The following PYCR3 variants were observed in gnomAD, a reference collection of about 807,000 sequenced individuals.
The protein encoded by PYCR3 is P5C reductase 3.
In PYCR3, 26 loss-of-function variants were observed where a neutral mutation model predicts 23.4. The observed-to-expected ratio is 1.11, with a 90% CI of 0.81 to 1.54. The LOEUF is 1.54. PYCR3 is among the 40% of genes most tolerant of loss of function. PYCR3 has a pLI of 0.00. For missense variants in PYCR3, 360 were observed against 376.3 expected, an observed-to-expected ratio of 0.96 and a Z score of 0.36; for synonymous variants, 194 against 162.6, an observed-to-expected ratio of 1.19 and a Z score of -1.47.
At chr8:143,608,249 T>G in intron 1 of PYCR3, 123 bp from the exon 2 acceptor site, 1 of 713,792 alleles carries the variant, frequency 1.4e-6, no homozygotes, top group Non-Finnish European at 2.4e-6. Flanking sequence ...GGCCCCCTCC[T>G]GGCCCCAGGA....
intron 1 of PYCR3, 27 bp from the exon 2 acceptor site, chr8:143,608,153 G>A (rs1168987313): frequency 2.5e-6 from 4 of 1,588,156 alleles, no homozygotes; most frequent in East Asian, 4.5e-5. Context: ...AGGAAGAGGG[G>A]TTGGTGAAGG....
rs1479652374 is a variant in PYCR3 at position 143,603,346 on chromosome 8, A to G, written c.*2354T>C. Reference sequence around the variant, plus strand: ...AACATTGATCAAAGATACCGTAATCATATCCATCGTTTTCTGTCTTGAAGA... The same window carrying G: ...AACATTGATCAAAGATACCGTAATCGTATCCATCGTTTTCTGTCTTGAAGA... On this transcript the variant is annotated 3_prime_UTR_variant, in exon 6 of 6. Transcript: ENST00000495276. 2 of 152,256 alleles carry G rather than the reference A, an allele frequency of 1.3e-5. No homozygotes were observed. Among genetic ancestry groups the G allele is most frequent in the Non-Finnish European group, 2.9e-5 (2 of 68,042 alleles). The allele number at this position is 152,256 out of a possible 1,614,324, so 9.4% of individuals were successfully genotyped here.
At chr8:143,609,004 G>C in intron 1 of PYCR3, 1 of 425,108 alleles carries the variant, frequency 2.4e-6, no homozygotes, top group South Asian at 1.7e-5. Context: ...TCTCAACAGG[G>C]GATGATTTTG....
At chr8:143,607,487 C>T (rs1213671302) in intron 2 of PYCR3, among the ~76,000 whole-genome samples, 1 of 152,082 alleles carries the variant, frequency 6.6e-6, no homozygotes, top group African/African-American at 2.4e-5. Context: ...TACACATGTA[C>T]ACATGAATGC....
Position 143,606,655 on chromosome 8 carries a change from G to A in PYCR3, c.361C>T (p.Leu121=), listed in dbSNP as rs1429377708. ...CAGGGCAGGTTGGGCAAGACCCGCA[G>A]CACCCGTGTGTTTGGGGGCAGCAGC... ...EELLPPNTRV[L]RVLPNLPCVV... Residue 121 remains leucine (L), a synonymous_variant, in exon 4 of 6, where the codon CTG becomes TTG. Transcript: ENST00000495276. 1 of 1,601,214 alleles carries A rather than the reference G, an allele frequency of 6.2e-7. No homozygotes were observed. The highest frequency in any genetic ancestry group is 8.5e-7 in the Non-Finnish European group (1 of 1,175,052).
In PYCR3 at chr8:143,604,455, C is replaced by T; in HGVS notation, c.*1245G>A. 5.1e-6 allele frequency: 1 copy of T among 194,966 alleles called. No individual in the cohort carries two copies. Among genetic ancestry groups the T allele is most frequent in the South Asian group, 7.5e-5 (1 of 13,280 alleles). 12.1% of individuals were successfully genotyped at this position (194,966 alleles called of 1,614,324 possible). On this transcript the variant is annotated 3_prime_UTR_variant, in exon 6 of 6. Transcript: ENST00000495276. ...TGAGCATGAGGGATGGAGCGTGCTG[C>T]TGTCCTGCAGGTGCCGTTAGCCCTG...
chr8:143,609,473 C>A lies in PYCR3; in HGVS notation c.76G>T (p.Gly26Cys). Reference sequence around the variant, plus strand: ...GCCGCCCCACCTGCTCTGATGAGGCCCTGCGCGATGGCCCCCGCCATGCGG... The same window carrying A: ...GCCGCCCCACCTGCTCTGATGAGGCACTGCGCGATGGCCCCCGCCATGCGG... ...AGRMAGAIAQ[G>C]LIRAGKVEAQ... Residue 26 changes from glycine to cysteine, a missense_variant, in exon 1 of 6, where the codon GGC (glycine) becomes TGC (cysteine). Transcript: ENST00000495276. The A allele has an allele frequency of 6.6e-7, 1 of 1,512,082 alleles. No individual in the cohort carries two copies. Among genetic ancestry groups the A allele is most frequent in the Admixed American group, 2.1e-5 (1 of 48,704 alleles). 93.7% of individuals were successfully genotyped at this position (1,512,082 alleles called of 1,614,324 possible).
At chr8:143,609,357 G>C (rs1014935324) in intron 1 of PYCR3, 101 bp downstream of exon 1, 1 of 1,297,152 alleles carries the variant, frequency 7.7e-7, no homozygotes. Context: ...GCGGAGACCC[G>C]GTTGGCTGGG....
chr8:143,608,457 C>CACCAGGCCTTGGGGGAAT (rs1829460260), intron 1 of PYCR3: 2 of 402,122 alleles, frequency 5.0e-6, no homozygotes, highest in South Asian at 5.1e-5. Context: ...TCTGGAGGAA[C>CACCAGGCCTTGGGGGAAT]ACCAGGCCTT....
At chr8:143,606,773 C>T (rs1055002074) in intron 3 of PYCR3, 94 bp from the exon 4 acceptor site, 15 of 1,377,348 alleles carry the variant, frequency 1.1e-5, no homozygotes, top group Admixed American at 7.3e-5. Flanking sequence ...CACGTCAGCT[C>T]GCGGTGGGCT....
rs558009866 is a variant in PYCR3 at position 143,606,088 on chromosome 8, G to A, written c.616C>T (p.His206Tyr). The change falls in exon 5 of 6, where the codon CAC becomes TAC. Residue 206 changes from histidine (H) to tyrosine (Y), a missense_variant. Physicochemically the swap from His to Tyr is moderately conservative, Grantham distance 83. Coordinates refer to ENST00000495276, the MANE Select transcript of PYCR3 (RefSeq NM_023078.6). ...VKMGMPSSLA[H>Y]RIAAQTLLGT... ...AGCAGGGTCTGGGCAGCGATGCGGT[G>A]GGCCAGGCTGCTGGGCATGCCCATC... 3.5e-4 allele frequency: 564 copies of A among 1,610,500 alleles called. 9 individuals are homozygous for A. The South Asian group carries it at 5.7e-3, about 16-fold the overall frequency.
In PYCR3 at chr8:143,606,527, C is replaced by A; in HGVS notation, c.489G>T (p.Glu163Asp). Residue 163 changes from glutamate to aspartate, a missense_variant, in exon 4 of 6, where the codon GAG becomes GAT. Physicochemically the swap from Glu to Asp is conservative, Grantham distance 45. Coordinates refer to ENST00000495276, the MANE Select transcript of PYCR3 (RefSeq NM_023078.6). Reference sequence around the variant, plus strand: ...TGTCGACGTAGGCTTCAGGCACCTCCTCACACCGCCCACAGGCCTCCAGCA... The same window carrying A: ...TGTCGACGTAGGCTTCAGGCACCTCATCACACCGCCCACAGGCCTCCAGCA... ...QHLLEACGRCEEVPEAYVDIH... is the reference protein window; with the variant it reads ...QHLLEACGRCDEVPEAYVDIH... The A allele has an allele frequency of 6.2e-7, 1 of 1,612,936 alleles. No individual in the cohort carries two copies. The highest frequency in any genetic ancestry group is 1.3e-5 in the African/African-American group (1 of 75,040).
chr8:143,607,580 G>A lies in PYCR3; in HGVS notation c.157-448C>T, dbSNP rs572114894. 6.0e-5 allele frequency among the ~76,000 whole-genome samples: 9 copies of A among 151,128 alleles called. No homozygotes were observed. The South Asian group carries it at 8.4e-4, about 14-fold the overall frequency. On this transcript the variant is annotated intron_variant, in intron 2 of 5. Transcript: ENST00000495276. The stretch of plus-strand genomic sequence containing the variant: ...CGCACGCACTCATACACGCACACAC[G>A]CACTCATATACACATCTGCACAGGC...
At chr8:143,607,753 G>A (rs896280928) in intron 2 of PYCR3, among the ~76,000 whole-genome samples, 7 of 104,828 alleles carry the variant, frequency 6.7e-5, no homozygotes, top group African/African-American at 1.3e-4. Flanking sequence ...ACGTGCAAAC[G>A]CACATGAGCA....
Position 143,608,077 on chromosome 8 carries a change from G to T in PYCR3, c.141C>A (p.Asn47Lys). 1 of 1,613,656 alleles carries T rather than the reference G, an allele frequency of 6.2e-7. No individual in the cohort carries two copies. The highest frequency in any genetic ancestry group is 8.5e-7 in the Non-Finnish European group (1 of 1,179,648). ...HILASAPTDR[N>K]LCHFQALGCR... ...CTATGCTCACTTGAAAGTGACATAG[G>T]TTCCTGTCTGTTGGTGCACTGGCCA... Residue 47 changes from asparagine to lysine, a missense_variant, in exon 2 of 6, where the codon AAC (asparagine) becomes AAA (lysine). By Grantham distance (94) the Asn-to-Lys change is moderately conservative (BLOSUM62 0). Coordinates refer to ENST00000495276, the MANE Select transcript of PYCR3 (RefSeq NM_023078.6).
At chr8:143,606,325 G>A (rs555114319) in intron 4 of PYCR3, 142 bp downstream of exon 4, 18 of 1,090,562 alleles carry the variant, frequency 1.7e-5, no homozygotes, top group Non-Finnish European at 2.4e-5. Context: ...AAGTCCCGGG[G>A]ACAAGCAGAG....
chr8:143,604,846 G>T lies in PYCR3; in HGVS notation c.*854C>A. The T allele has an allele frequency of 2.1e-6, 1 of 468,078 alleles. No homozygotes were observed. Among genetic ancestry groups the T allele is most frequent in the Non-Finnish European group, 4.3e-6 (1 of 234,152 alleles). The allele number at this position is 468,078 out of a possible 1,614,324, so 29.0% of individuals were successfully genotyped here. On this transcript the variant is annotated 3_prime_UTR_variant, in exon 6 of 6. Coordinates refer to ENST00000495276, the MANE Select transcript of PYCR3 (RefSeq NM_023078.6). Reference sequence around the variant, plus strand: ...AGTGTGGTGGTGCCAGAGCTACGGGGTATTCCAGGACCCCTGACCTAGGCA... The same window carrying T: ...AGTGTGGTGGTGCCAGAGCTACGGGTTATTCCAGGACCCCTGACCTAGGCA...
At chr8:143,606,828 T>G in intron 3 of PYCR3, 125 bp downstream of exon 3, 1 of 1,361,196 alleles carries the variant, frequency 7.3e-7, no homozygotes, top group Middle Eastern at 2.2e-4. Context: ...GAACCCTAAA[T>G]CCAGCCACTT....
rs141368243 is a variant in PYCR3, at chr8:143,606,639, T to C, written c.377A>G (p.Asn126Ser). The C allele has an allele frequency of 8.3e-5, 134 of 1,607,868 alleles. 1 individual carries two copies. The highest frequency in any genetic ancestry group is 1.1e-4 in the Non-Finnish European group (125 of 1,178,092). ...CCCTTCCTGGACCACACAGGGCAGG[T>C]TGGGCAAGACCCGCAGCACCCGTGT... ...PNTRVLRVLP[N>S]LPCVVQEGAI... Residue 126 changes from asparagine to serine, a missense_variant, in exon 4 of 6, where the codon AAC becomes AGC. Coordinates refer to ENST00000495276, the MANE Select transcript of PYCR3 (RefSeq NM_023078.6).
Sources: gnomAD v4.1 joint callset for allele counts (sites outside exome capture counted in the v4.1 genomes callset) on GRCh38, gnomAD v4.1.1 for gene constraint, MANE v1.5 for transcripts, NCBI Gene and HGNC (gene_info 2026-07-23, HGNC 2026-07-21) for gene names.